The following RBBP4 variants were observed in gnomAD, a reference collection of about 807,000 sequenced individuals.
RBBP4 encodes histone-binding protein RBBP4.
In RBBP4, 3 loss-of-function variants were observed where a neutral mutation model predicts 57.2. The ratio of observed to expected loss-of-function variants is 0.05; its 90% CI spans 0.02 to 0.14. The LOEUF is 0.14. Among genes scored for constraint, RBBP4 ranks in the 10% least tolerant of loss-of-function variants. The pLI is 1.00. For missense variants in RBBP4, 107 were observed against 520.6 expected (o/e 0.21, Z 7.73); for synonymous variants, 151 against 171.5 (o/e 0.88, Z 0.93).
rs931152582 is a variant in RBBP4, at chr1:32,682,184, C to T, written c.*2479C>T. ...ATCAACACAAAGGTAGTTAGTAGATCATTAACCTCAATTGCAAGGTTATAA... is the reference window on the plus strand; with the variant it reads ...ATCAACACAAAGGTAGTTAGTAGATTATTAACCTCAATTGCAAGGTTATAA... On this transcript the variant is annotated 3_prime_UTR_variant, in exon 12 of 12. Transcript: ENST00000373493. The T allele has an allele frequency of 1.1e-5, 3 of 271,510 alleles. No homozygotes were observed. Among genetic ancestry groups the T allele is most frequent in the African/African-American group, 6.7e-5 (3 of 44,648 alleles). The allele number at this position is 271,510 out of a possible 1,614,324, so 16.8% of individuals were successfully genotyped here. A position where few individuals can be genotyped will look rare whatever the true frequency, so the allele number is the denominator to read the frequency against.
chr1:32,655,676 C>T (rs1311248162), intron 2 of RBBP4, among the ~76,000 whole-genome samples: 1 of 152,180 alleles, frequency 6.6e-6, no homozygotes, highest in East Asian at 1.9e-4. Context: ...CCCAGTTTGA[C>T]ATGTTGTAAA....
chr1:32,659,257 C>G (rs1648296338), intron 3 of RBBP4, among the ~76,000 whole-genome samples: 1 of 151,514 alleles, frequency 6.6e-6, no homozygotes, highest in African/African-American at 2.4e-5. Flanking sequence ...CACCCCTTCT[C>G]CCATATAATA....
chr1:32,661,448 C>G (rs1648404775), intron 3 of RBBP4, among the ~76,000 whole-genome samples: 1 of 151,946 alleles, frequency 6.6e-6, no homozygotes, highest in Non-Finnish European at 1.5e-5. Flanking sequence ...TCATGCGCCA[C>G]CATGCCCAGC....
chr1:32,651,558 T>A (rs1647656751), intron 1 of RBBP4: 3 of 1,131,740 alleles, frequency 2.7e-6, no homozygotes, highest in Non-Finnish European at 2.3e-6. Flanking sequence ...TTGTTTCTCT[T>A]CCTGCCTCCG....
chr1:32,676,543 G>A lies in RBBP4; in HGVS notation c.1213-3097G>A, dbSNP rs374559041. 1.7e-3 allele frequency among the ~76,000 whole-genome samples: 262 copies of A among 151,090 alleles called. 1 individual carries two copies. The highest frequency in any genetic ancestry group is 5.7e-3 in the African/African-American group (235 of 40,994). Reference sequence around the variant, plus strand: ...GAGACTTGTTTGAACCCAGGAGGCGGAGGAGTTGCGGTGAGCCAAGATCGC... The same window carrying A: ...GAGACTTGTTTGAACCCAGGAGGCGAAGGAGTTGCGGTGAGCCAAGATCGC... On this transcript the variant is annotated intron_variant, in intron 11 of 11. Transcript: ENST00000373493.
At chr1:32,653,676 T>TTTTTG (rs1557849868) in intron 2 of RBBP4, among the ~76,000 whole-genome samples, 2 of 107,308 alleles carry the variant, frequency 1.9e-5, no homozygotes. Context: ...GTTTTTTTTT[T>TTTTTG]TGAGACGGAG....
chr1:32,653,768 C>T (rs527946989), intron 2 of RBBP4, among the ~76,000 whole-genome samples: 210 of 148,766 alleles, frequency 1.4e-3, no homozygotes, highest in Non-Finnish European at 2.1e-3. Context: ...ACGCCATTTT[C>T]CTGCCTCAGC....
chr1:32,657,559 C>G lies in RBBP4; in HGVS notation c.297C>G (p.Asp99Glu). ...DDAQFDASHY[D>E]SEKGEFGGFG... ...CTCAGTTTGATGCGTCACACTACGA[C>G]AGTGAGAAAGGAGGTAGGAATCTTA... The change falls in exon 3 of 12, where the codon GAC becomes GAG. Residue 99 changes from aspartate to glutamate, a missense_variant. By Grantham distance (45) the Asp-to-Glu change is conservative. Around this residue, in one of 3 missense-constraint regions of RBBP4, gnomAD observed 92 missense variants for 408.5 expected, o/e 0.23. Coordinates refer to ENST00000373493, the MANE Select transcript of RBBP4 (RefSeq NM_005610.3). 1.9e-6 allele frequency: 3 copies of G among 1,613,698 alleles called. No homozygotes were observed. The highest frequency in any genetic ancestry group is 2.5e-6 in the Non-Finnish European group (3 of 1,179,836).
chr1:32,659,263 T>C (rs1208234516), intron 3 of RBBP4, among the ~76,000 whole-genome samples: 2 of 151,620 alleles, frequency 1.3e-5, no homozygotes, highest in African/African-American at 4.8e-5. Context: ...TTCTCCCATA[T>C]AATAAACCTT....
intron 3 of RBBP4, among the ~76,000 whole-genome samples, chr1:32,665,020 CAT>C (rs113300106): frequency 4.6e-5 from 7 of 152,164 alleles, no homozygotes; most frequent in African/African-American, 1.7e-4. Flanking sequence ...CAACTGAACA[CAT>C]GTTGGGAAAA....
intron 11 of RBBP4, among the ~76,000 whole-genome samples, chr1:32,673,827 G>A (rs750710491): frequency 4.6e-5 from 7 of 152,136 alleles, no homozygotes; most frequent in Non-Finnish European, 8.8e-5. Context: ...GGCCGAGCAC[G>A]TTGGCTCACG....
Position 32,680,405 on chromosome 1 carries a change from T to C in RBBP4, c.*700T>C, listed in dbSNP as rs1338875534. 1.6e-6 allele frequency: 2 copies of C among 1,286,684 alleles called. No homozygotes were observed. Among genetic ancestry groups the C allele is most frequent in the Non-Finnish European group, 2.0e-6 (2 of 1,009,794 alleles). 79.7% of individuals were successfully genotyped at this position (1,286,684 alleles called of 1,614,324 possible). A position where few individuals can be genotyped will look rare whatever the true frequency, so the allele number is the denominator to read the frequency against. ...TTGGGACCACCAAGTTGTAAAGATG[T>C]ATGTTTTTACCTGACAGTTATACCA... On this transcript the variant is annotated 3_prime_UTR_variant, in exon 12 of 12. Transcript: ENST00000373493.
chr1:32,684,170 T>G lies in RBBP4; in HGVS notation c.*4465T>G, dbSNP rs764322160. On this transcript the variant is annotated 3_prime_UTR_variant, in exon 12 of 12. Coordinates refer to ENST00000373493, the MANE Select transcript of RBBP4 (RefSeq NM_005610.3). ...TCATTTCCCAAATCCTCTTTTTGTT[T>G]TTGATTCTAAGGTAAAATTTTCCCT... The G allele has an allele frequency of 1.2e-6, 2 of 1,606,174 alleles. No individual in the cohort carries two copies. The highest frequency in any genetic ancestry group is 1.7e-6 in the Non-Finnish European group (2 of 1,175,230).
intron 3 of RBBP4, among the ~76,000 whole-genome samples, chr1:32,661,177 A>G (rs182612711): frequency 3.6e-4 from 55 of 152,092 alleles, no homozygotes; most frequent in Admixed American, 3.5e-3. Context: ...TATCTTTGGT[A>G]TTGTGAATAA....
Position 32,656,321 on chromosome 1 carries a change from A to G in RBBP4, c.165-1106A>G, listed in dbSNP as rs369921331. Among the ~76,000 whole-genome samples the G allele has an allele frequency of 1.8e-3, 264 of 149,700 alleles. 1 individual carries two copies. Among genetic ancestry groups the G allele is most frequent in the African/African-American group, 5.8e-3 (237 of 40,990 alleles). ...GCGATTCTTGTGCCTCAGCCTCCCAAGTAGCTGGGATTAGCCAGCCGCCGG... is the reference window on the plus strand; with the variant it reads ...GCGATTCTTGTGCCTCAGCCTCCCAGGTAGCTGGGATTAGCCAGCCGCCGG... On this transcript the variant is annotated intron_variant, in intron 2 of 11. Coordinates refer to ENST00000373493, the MANE Select transcript of RBBP4 (RefSeq NM_005610.3).
intron 3 of RBBP4, among the ~76,000 whole-genome samples, chr1:32,665,712 C>A (rs1648617176): frequency 6.8e-6 from 1 of 147,838 alleles, no homozygotes; most frequent in Admixed American, 6.8e-5. Context: ...TATAGCAATG[C>A]AATTGACAGA....
At chr1:32,652,244 G>C (rs957277886) in intron 2 of RBBP4, 183 bp downstream of exon 2, 1 of 675,936 alleles carries the variant, frequency 1.5e-6, no homozygotes, top group Non-Finnish European at 2.4e-6. Context: ...TACCTGACAA[G>C]AGAAAACATA....
intron 3 of RBBP4, among the ~76,000 whole-genome samples, chr1:32,662,042 C>T (rs1055015406): frequency 1.3e-5 from 2 of 151,298 alleles, no homozygotes; most frequent in African/African-American, 4.9e-5. Context: ...TGTGCCACCA[C>T]ACCCAGCTAA....
intron 11 of RBBP4, among the ~76,000 whole-genome samples, chr1:32,675,618 A>C (rs895691007): frequency 1.3e-5 from 2 of 151,552 alleles, no homozygotes; most frequent in Non-Finnish European, 2.9e-5. Flanking sequence ...AAATACAAAA[A>C]ATTAGCCGGG....
Sources: allele counts gnomAD v4.1 joint callset (sites outside exome capture counted in the v4.1 genomes callset), GRCh38; gene constraint gnomAD v4.1.1; regional missense constraint gnomAD v4.1.1; transcripts MANE v1.5; gene names NCBI Gene and HGNC (gene_info 2026-07-23, HGNC 2026-07-21).